Variants in TNN observed in about 807,000 individuals in gnomAD.
The protein encoded by TNN is tenascin N, also known as tenascin-N.
In TNN, 122 loss-of-function variants were observed where a neutral mutation model predicts 134.4. That is an observed-to-expected ratio of 0.91 (90% CI 0.78 to 1.06). TNN has a LOEUF of 1.06. Ranked by LOEUF, TNN falls within the 50% of genes least tolerant of loss-of-function variation. TNN has a pLI of 0.00. For synonymous variants in TNN, 710 were observed against 670.3 expected, an observed-to-expected ratio of 1.06 and a Z score of -0.91; for missense variants, 1,739 against 1,699.4, an observed-to-expected ratio of 1.02 and a Z score of -0.41.
In TNN at chr1:175,147,764, C is replaced by T. The variant is rs1320026834; in HGVS notation, c.*693C>T. 1.3e-5 allele frequency: 2 copies of T among 152,194 alleles called. No individual in the cohort carries two copies. The highest frequency in any genetic ancestry group is 2.4e-5 in the African/African-American group (1 of 41,430). The allele number at this position is 152,194 out of a possible 1,614,324, so 9.4% of individuals were successfully genotyped here. ...CATATGTTGTGAATAAATTCTCACT[C>T]ATTTCAACTTTGAATAATTTGACTG... On this transcript the variant is annotated 3_prime_UTR_variant, in exon 19 of 19. Transcript: ENST00000239462.
At position 175,103,248 on chromosome 1, in the gene TNN, G is replaced by A. The variant is rs146064158; in HGVS notation, c.2119+4653G>A. Among the ~76,000 whole-genome samples, 63 of 146,520 alleles carry A rather than the reference G, an allele frequency of 4.3e-4. 12 individuals are homozygous for A. In the East Asian group the frequency reaches 0.013, roughly 31 times the overall value. On this transcript the variant is annotated intron_variant, in intron 9 of 18. Coordinates refer to ENST00000239462, the MANE Select transcript of TNN (RefSeq NM_022093.2). ...TTGGTATAAGAATTTGAAAGGCGTTGTCTGATTTCAGAAGCCTTTTCCTGT... is the reference window on the plus strand; with the variant it reads ...TTGGTATAAGAATTTGAAAGGCGTTATCTGATTTCAGAAGCCTTTTCCTGT...
chr1:175,123,274 C>T (rs909052243), intron 11 of TNN, 126 bp from the exon 12 acceptor site: 15 of 1,149,974 alleles, frequency 1.3e-5, no homozygotes, highest in African/African-American at 3.1e-5. Context: ...GCCTTTGACT[C>T]GTGTTTTAAG....
At chr1:175,120,930 A>C (rs1675357962) in intron 11 of TNN, among the ~76,000 whole-genome samples, 1 of 152,104 alleles carries the variant, frequency 6.6e-6, no homozygotes, top group South Asian at 2.1e-4. Context: ...CTTCCCAAGT[A>C]GCTGGGACCA....
chr1:175,125,597 CTCTT>C lies in TNN; in HGVS notation c.2915-1346_2915-1343del, dbSNP rs530188001. On this transcript the variant is annotated intron_variant, in intron 12 of 18. Transcript: ENST00000239462. ...CTTCTCTCTCTCTCCCTCTTTCTTT[CTCTT>C]TCTTTCTTTCTCTCTCTCTCTCCCT... is the stretch of plus-strand genomic sequence containing the variant. 8.3e-4 allele frequency among the ~76,000 whole-genome samples: 118 copies of C among 142,340 alleles called. 2 individuals carry two copies. The South Asian group carries it at 0.024, about 29-fold the overall frequency. 93.4% of individuals were successfully genotyped at this position (142,340 alleles called of 152,430 possible). A position where few individuals can be genotyped will look rare whatever the true frequency, so the allele number is the denominator to read the frequency against.
chr1:175,124,669 C>G (rs934812149), intron 12 of TNN, among the ~76,000 whole-genome samples: 11 of 143,316 alleles, frequency 7.7e-5, no homozygotes, highest in African/African-American at 2.6e-4. Flanking sequence ...CAACAAAGAG[C>G]GAGACTCCAT....
intron 12 of TNN, among the ~76,000 whole-genome samples, chr1:175,126,414 A>T (rs754505983): frequency 1.3e-5 from 2 of 151,890 alleles, no homozygotes; most frequent in Non-Finnish European, 2.9e-5. Context: ...TTTTGTTTCT[A>T]TGCCAACTTA....
intron 6 of TNN, among the ~76,000 whole-genome samples, chr1:175,092,308 C>A (rs1224713024): frequency 2.0e-5 from 3 of 152,276 alleles, no homozygotes; most frequent in Admixed American, 2.0e-4. Context: ...CCTGCTGGAG[C>A]CTCCAGAGGC....
intron 15 of TNN, among the ~76,000 whole-genome samples, chr1:175,134,821 C>G (rs1371654253): frequency 1.3e-5 from 2 of 150,530 alleles, no homozygotes; most frequent in Non-Finnish European, 3.0e-5. Context: ...CAGTGGTCTC[C>G]TAATTGGTCA....
At chr1:175,116,002 G>T (rs1258516718) in intron 9 of TNN, among the ~76,000 whole-genome samples, 1 of 152,124 alleles carries the variant, frequency 6.6e-6, no homozygotes, top group Non-Finnish European at 1.5e-5. Flanking sequence ...GCTCACCAGA[G>T]TTTCTGTTTC....
Position 175,137,053 on chromosome 1 carries a change from C to T in TNN, c.3595+65C>T, listed in dbSNP as rs140363115. ...GTCTGTTGTGTAAGGATTGGTTTGCCGTGTGCCACTGATCTGGGGGATGGA... is the reference window on the plus strand; with the variant it reads ...GTCTGTTGTGTAAGGATTGGTTTGCTGTGTGCCACTGATCTGGGGGATGGA... On this transcript the variant is annotated intron_variant, in intron 17 of 18. Transcript: ENST00000239462. The T allele has an allele frequency of 5.7e-4, 871 of 1,528,634 alleles. 4 individuals carry two copies. The African/African-American group carries it at 9.7e-3, about 17-fold the overall frequency. 94.7% of individuals were successfully genotyped at this position (1,528,634 alleles called of 1,614,324 possible). A position where few individuals can be genotyped will look rare whatever the true frequency, so the allele number is the denominator to read the frequency against.
At chr1:175,126,162 C>T (rs947943349) in intron 12 of TNN, among the ~76,000 whole-genome samples, 31 of 144,110 alleles carry the variant, frequency 2.2e-4, no homozygotes, top group Non-Finnish European at 3.6e-4. Context: ...AGTGCAGTGA[C>T]GTGATCTTGG....
intron 11 of TNN, 37 bp downstream of exon 11, chr1:175,118,861 A>G: frequency 6.2e-7 from 1 of 1,610,960 alleles, no homozygotes; most frequent in Non-Finnish European, 8.5e-7. Context: ...CCCGGGTAGT[A>G]GCTGCAGGTT....
At chr1:175,132,462 G>A (rs1675699895) in intron 15 of TNN, among the ~76,000 whole-genome samples, 1 of 152,208 alleles carries the variant, frequency 6.6e-6, no homozygotes, top group South Asian at 2.1e-4. Context: ...AAGCCAAGAA[G>A]GAAATAGGGC....
In TNN at chr1:175,083,946, T is replaced by C. The variant is rs1169102868; in HGVS notation, c.1234+11T>C. On this transcript the variant is annotated intron_variant, in intron 5 of 18. Transcript: ENST00000239462. ...GATATGACATCACTGGTAAGAGCCA[T>C]CACTGGAATGTGAGATGTATGCTGT... 2 of 1,613,118 alleles carry C rather than the reference T, an allele frequency of 1.2e-6. No homozygotes were observed. The highest frequency in any genetic ancestry group is 3.3e-5 in the Admixed American group (2 of 59,990).
At chr1:175,115,934 G>A (rs1323207499) in intron 9 of TNN, among the ~76,000 whole-genome samples, 1 of 152,186 alleles carries the variant, frequency 6.6e-6, no homozygotes, top group African/African-American at 2.4e-5. Flanking sequence ...CTGGGCAATG[G>A]GGTGGTGGGG....
intron 6 of TNN, among the ~76,000 whole-genome samples, chr1:175,091,139 C>T (rs1350562241): frequency 6.6e-6 from 1 of 152,278 alleles, no homozygotes; most frequent in Non-Finnish European, 1.5e-5. Context: ...GAGGTCCCAT[C>T]TCTGAGGCCT....
At chr1:175,080,066 C>A in intron 3 of TNN, 97 bp from the exon 4 acceptor site, 1 of 1,505,022 alleles carries the variant, frequency 6.6e-7, no homozygotes, top group Admixed American at 1.8e-5. Flanking sequence ...AGGTCTGCAT[C>A]CTGCACACCC....
rs2149433154 is a variant in TNN, at chr1:175,098,461, G to A, written c.1985G>A (p.Arg662Lys). 1.2e-6 allele frequency: 2 copies of A among 1,614,200 alleles called. No individual in the cohort carries two copies. The highest frequency in any genetic ancestry group is 2.2e-5 in the South Asian group (2 of 91,080). The change falls in exon 9 of 19, where the codon AGG (arginine) becomes AAG (lysine). Residue 662 changes from arginine (R) to lysine (K), a missense_variant. Transcript: ENST00000239462. ...VRYTSAGGET[R>K]EVPVGKEQSS... The stretch of plus-strand genomic sequence containing the variant: ...TACACCTCTGCTGGTGGAGAGACCA[G>A]GGAGGTTCCGGTGGGGAAGGAGCAG...
intron 1 of TNN, among the ~76,000 whole-genome samples, chr1:175,073,308 G>A (rs1225498200): frequency 6.6e-6 from 1 of 152,120 alleles, no homozygotes; most frequent in Non-Finnish European, 1.5e-5. Flanking sequence ...GTGGAGAATA[G>A]CGTGTGGCTT....
Sources: allele counts gnomAD v4.1 joint callset (sites outside exome capture counted in the v4.1 genomes callset), GRCh38; gene constraint gnomAD v4.1.1; transcripts MANE v1.5; gene names NCBI Gene and HGNC (gene_info 2026-07-23, HGNC 2026-07-21).